The following PPP2R1B variants were observed in gnomAD, a reference collection of about 807,000 sequenced individuals.
The protein encoded by PPP2R1B is serine/threonine-protein phosphatase 2A 65 kDa regulatory subunit A beta isoform.
Under a neutral mutation model 72.7 loss-of-function variants are expected in PPP2R1B, and 58 were observed. That is an observed-to-expected ratio of 0.80 (90% CI 0.65 to 0.99). The LOEUF is 0.99. Among genes scored for constraint, PPP2R1B ranks in the 50% least tolerant of loss-of-function variants. The pLI, the probability that PPP2R1B is intolerant of heterozygous loss-of-function variation, is 0.00. For missense variants in PPP2R1B, 695 were observed against 733.6 expected, an observed-to-expected ratio of 0.95 and a Z score of 0.61; for synonymous variants, 256 against 264.6, an observed-to-expected ratio of 0.97 and a Z score of 0.32.
At chr11:111,730,980 G>A (rs1013343429) in intron 15 of PPP2R1B, 1 of 152,244 alleles carries the variant, frequency 6.6e-6, no homozygotes, top group African/African-American at 2.4e-5. Flanking sequence ...TCAGGCTGCA[G>A]AAAAGGACAG....
downstream of PPP2R1B, among the ~76,000 whole-genome samples, chr11:111,736,118 AC>A (rs1440728096): frequency 6.6e-6 from 1 of 152,112 alleles, no homozygotes; most frequent in East Asian, 1.9e-4. Flanking sequence ...TTCATGAGGG[AC>A]CAAAAAACAA....
chr11:111,709,841 G>A, the PPP2R1B span, among the ~76,000 whole-genome samples: 7 of 152,192 alleles, frequency 4.6e-5, no homozygotes, highest in African/African-American at 1.7e-4. Context: ...GTCAGTTGTA[G>A]TAGTCCAGGT....
the PPP2R1B span, among the ~76,000 whole-genome samples, chr11:111,704,174 T>G: frequency 6.6e-6 from 1 of 152,216 alleles, no homozygotes; most frequent in Admixed American, 6.5e-5. Context: ...TTGCTCACTT[T>G]GCGCCCAGTG....
the PPP2R1B span, among the ~76,000 whole-genome samples, chr11:111,691,709 A>G: frequency 3.3e-5 from 5 of 152,176 alleles, no homozygotes; most frequent in Non-Finnish European, 7.3e-5. Context: ...AAGCACTCAA[A>G]TTTTCTTGCC....
intron 15 of PPP2R1B, chr11:111,729,160 G>A (rs978560530): frequency 6.6e-6 from 1 of 152,146 alleles, no homozygotes; most frequent in South Asian, 2.1e-4. Flanking sequence ...CCTAATTAAG[G>A]TAGCCTAGCT....
At chr11:111,737,792 G>T, downstream of PPP2R1B, 1 of 1,310,938 alleles carries the variant, frequency 7.6e-7, no homozygotes. Flanking sequence ...CACCCCATCG[G>T]GCCTTTTGGT....
chr11:111,741,237 C>T lies in PPP2R1B; in HGVS notation c.*359G>A. 1 of 1,055,024 alleles carries T rather than the reference C, an allele frequency of 9.5e-7. No homozygotes were observed. The allele number at this position is 1,055,024 out of a possible 1,614,324, so 65.4% of individuals were successfully genotyped here. ...AAACGTCAAGAGAATCACTCCACTCCACGTCTGGGTCCACACCCTTCCAGG... is the reference window on the plus strand; with the variant it reads ...AAACGTCAAGAGAATCACTCCACTCTACGTCTGGGTCCACACCCTTCCAGG... On this transcript the variant is annotated 3_prime_UTR_variant, in exon 15 of 15. Transcript: ENST00000527614.
downstream of PPP2R1B, among the ~76,000 whole-genome samples, chr11:111,722,385 A>C (rs1381343468): frequency 2.0e-5 from 3 of 152,244 alleles, no homozygotes; most frequent in Non-Finnish European, 4.4e-5. This position sits in a 1 kb window ranked among gnomAD's most constrained non-coding sequence, Gnocchi z 4.4. Context: ...CTCAAGATCT[A>C]ACTCCACCTT....
intron 13 of PPP2R1B, 153 bp downstream of exon 13, chr11:111,742,370 T>C: frequency 1.1e-6 from 1 of 872,248 alleles, no homozygotes; most frequent in Non-Finnish European, 1.7e-6. Context: ...ATAGTGGACA[T>C]CCTCAAAAAT....
At chr11:111,701,697 G>A in the PPP2R1B span, 1 of 1,286,450 alleles carries the variant, frequency 7.8e-7, no homozygotes, top group East Asian at 2.5e-5. The surrounding 1 kb of genome is among the most constrained non-coding windows in gnomAD (Gnocchi z 4.2). Flanking sequence ...TGAGCTGTAG[G>A]TTAAAAGCTA....
the PPP2R1B span, among the ~76,000 whole-genome samples, chr11:111,718,361 A>C: frequency 3.1e-4 from 47 of 152,342 alleles, no homozygotes; most frequent in African/African-American, 1.1e-3. Context: ...CTGGGGAAGG[A>C]CCAAGGAGAG....
downstream of PPP2R1B, among the ~76,000 whole-genome samples, chr11:111,735,662 T>A (rs887858372): frequency 6.6e-6 from 1 of 152,222 alleles, no homozygotes; most frequent in African/African-American, 2.4e-5. Context: ...CCTTTCCCTT[T>A]TCTCTTCAAG....
At chr11:111,746,048 C>T (rs1489439043) in intron 11 of PPP2R1B, among the ~76,000 whole-genome samples, 2 of 151,986 alleles carry the variant, frequency 1.3e-5, no homozygotes, top group Admixed American at 6.6e-5. Flanking sequence ...AGAGAAAATC[C>T]GAAAAGAGGA....
chr11:111,714,967 C>A, the PPP2R1B span, among the ~76,000 whole-genome samples: 2 of 152,178 alleles, frequency 1.3e-5, no homozygotes, highest in South Asian at 4.1e-4. Flanking sequence ...AAAGGCTTGT[C>A]TGTGAGGGCA....
At chr11:111,702,393 T>G in the PPP2R1B span, among the ~76,000 whole-genome samples, 2 of 152,190 alleles carry the variant, frequency 1.3e-5, no homozygotes, top group Admixed American at 6.5e-5. Context: ...GAGACCAGCC[T>G]GCACAATATT....
At chr11:111,716,879 T>C in the PPP2R1B span, among the ~76,000 whole-genome samples, 11 of 152,082 alleles carry the variant, frequency 7.2e-5, no homozygotes, top group Non-Finnish European at 1.0e-4. Context: ...TTGCAATCTA[T>C]CCATCTGACA....
downstream of PPP2R1B, chr11:111,724,108 C>T (rs368428099): frequency 6.0e-5 from 97 of 1,611,278 alleles, no homozygotes; most frequent in Non-Finnish European, 7.4e-5. Context: ...CACAACACAA[C>T]GGGTATGTCC....
downstream of PPP2R1B, chr11:111,726,804 AGT>A: frequency 1.6e-6 from 1 of 636,048 alleles, no homozygotes; most frequent in East Asian, 2.7e-5. Context: ...TCACGTTAGC[AGT>A]GTGTACACTA....
intron 15 of PPP2R1B, among the ~76,000 whole-genome samples, chr11:111,732,478 G>A (rs868795423): frequency 6.6e-6 from 1 of 152,190 alleles, no homozygotes; most frequent in South Asian, 2.1e-4. Flanking sequence ...ATCATCTGAG[G>A]TCAGGAGTTC....
Sources: gnomAD v4.1 joint callset for allele counts (sites outside exome capture counted in the v4.1 genomes callset) on GRCh38, gnomAD v4.1.1 for gene constraint, Gnocchi (gnomAD v3.1) non-coding constraint, MANE v1.5 for transcripts, NCBI Gene and HGNC (gene_info 2026-07-23, HGNC 2026-07-21) for gene names.